The following NIBAN1 variants were observed in gnomAD, a reference collection of about 807,000 sequenced individuals.
NIBAN1 encodes niban apoptosis regulator 1, also known as protein Niban 1.
A neutral mutation model predicts 75.1 loss-of-function variants in NIBAN1; 81 were observed. That is an observed-to-expected ratio of 1.08 (90% CI 0.90 to 1.30). The LOEUF is 1.30. Ranked by LOEUF, NIBAN1 falls within the 50% of genes most tolerant of loss-of-function variation. NIBAN1 has a pLI of 0.00. For missense variants in NIBAN1, 1,133 were observed against 1,128.1 expected (o/e 1.00, Z -0.06); for synonymous variants, 436 against 424.8 (o/e 1.03, Z -0.32).
intron 6 of NIBAN1, among the ~76,000 whole-genome samples, chr1:184,827,803 C>T (rs1013325405): frequency 3.3e-5 from 5 of 151,818 alleles, no homozygotes; most frequent in African/African-American, 4.8e-5. Flanking sequence ...AAGCAGGCCC[C>T]GCAGTCTCAC....
chr1:184,904,333 T>C (rs976987549), intron 1 of NIBAN1, among the ~76,000 whole-genome samples: 1 of 152,118 alleles, frequency 6.6e-6, no homozygotes, highest in Non-Finnish European at 1.5e-5. Flanking sequence ...CACCCTAAAT[T>C]TTTTTTCTTT....
chr1:184,947,208 G>A (rs1658249587), intron 1 of NIBAN1, among the ~76,000 whole-genome samples: 2 of 152,190 alleles, frequency 1.3e-5, no homozygotes, highest in Admixed American at 6.5e-5. Flanking sequence ...CTTTAAGAAG[G>A]TTAAGTAGAC....
Position 184,808,111 on chromosome 1 carries a change from T to A in NIBAN1, c.1298A>T (p.Asp433Val). The stretch of plus-strand genomic sequence containing the variant: ...GTTCTGTGTCCTCTGAACCACCAGA[T>A]CAATGTGGGGGAATCTGAAGCGGCT... ...LKSRFRFPHIDLVVQRTQNYM... is the reference protein window; with the variant it reads ...LKSRFRFPHIVLVVQRTQNYM... Residue 433 changes from aspartate to valine, a missense_variant, in exon 10 of 14, where the codon GAT (aspartate) becomes GTT (valine). Coordinates refer to ENST00000367511, the MANE Select transcript of NIBAN1 (RefSeq NM_052966.4). 6.2e-7 allele frequency: 1 copy of A among 1,613,914 alleles called. No individual in the cohort carries two copies. The highest frequency in any genetic ancestry group is 8.5e-7 in the Non-Finnish European group (1 of 1,179,944).
chr1:184,922,986 T>G (rs1657599294), intron 1 of NIBAN1, among the ~76,000 whole-genome samples: 1 of 152,248 alleles, frequency 6.6e-6, no homozygotes, highest in Admixed American at 6.5e-5. Flanking sequence ...ATGGATAGTT[T>G]GCAAATATTT....
At chr1:184,835,744 C>T (rs571485677) in intron 5 of NIBAN1, among the ~76,000 whole-genome samples, 11 of 152,206 alleles carry the variant, frequency 7.2e-5, no homozygotes, top group Non-Finnish European at 1.2e-4. Flanking sequence ...AGATTTGGGG[C>T]TGAGACAATG....
chr1:184,897,073 T>G (rs532432939), intron 2 of NIBAN1, among the ~76,000 whole-genome samples: 1 of 152,324 alleles, frequency 6.6e-6, no homozygotes, highest in South Asian at 2.1e-4. Context: ...TCTAATTTTG[T>G]GTAAGATGAC....
chr1:184,874,788 A>G (rs1159552945), intron 5 of NIBAN1, among the ~76,000 whole-genome samples: 11 of 152,164 alleles, frequency 7.2e-5, no homozygotes, highest in African/African-American at 2.7e-4. Flanking sequence ...ACAGAAAATA[A>G]ATAAATAAAT....
chr1:184,929,867 T>C (rs1657777466), intron 1 of NIBAN1, among the ~76,000 whole-genome samples: 1 of 152,280 alleles, frequency 6.6e-6, no homozygotes, highest in South Asian at 2.1e-4. Context: ...TTGTGCTTGA[T>C]GCTGTAAACA....
chr1:184,972,873 T>C (rs1466665766), intron 1 of NIBAN1, among the ~76,000 whole-genome samples: 1 of 152,244 alleles, frequency 6.6e-6, no homozygotes, highest in African/African-American at 2.4e-5. Context: ...TTAGTGTACT[T>C]GGCCATGCGT....
chr1:184,899,726 C>T (rs1232481156), intron 1 of NIBAN1, among the ~76,000 whole-genome samples: 2 of 151,936 alleles, frequency 1.3e-5, no homozygotes, highest in Admixed American at 1.3e-4. Context: ...TCTTTATTCT[C>T]CTCGACCTCC....
intron 13 of NIBAN1, 50 bp from the exon 14 acceptor site, chr1:184,796,147 C>T (rs369465695): frequency 5.9e-5 from 88 of 1,483,030 alleles, no homozygotes; most frequent in Non-Finnish European, 7.6e-5. Context: ...TATTGAGAAG[C>T]CAAAGTCCCC....
intron 5 of NIBAN1, among the ~76,000 whole-genome samples, chr1:184,840,645 G>A (rs747265788): frequency 4.6e-5 from 7 of 151,266 alleles, no homozygotes; most frequent in African/African-American, 1.2e-4. Flanking sequence ...TGTCAACAGC[G>A]AAAAGGAAGT....
chr1:184,922,688 C>T (rs1212374341), intron 1 of NIBAN1, among the ~76,000 whole-genome samples: 1 of 152,194 alleles, frequency 6.6e-6, no homozygotes, highest in South Asian at 2.1e-4. Context: ...CTTACTGCAA[C>T]CTCTGCCTCC....
At chr1:184,897,792 CT>C (rs1248535987) in intron 2 of NIBAN1, among the ~76,000 whole-genome samples, 1 of 152,194 alleles carries the variant, frequency 6.6e-6, no homozygotes, top group East Asian at 1.9e-4. Context: ...ACTGATTTCT[CT>C]CTTCTTCTAT....
intron 5 of NIBAN1, among the ~76,000 whole-genome samples, chr1:184,844,185 C>T (rs1655372432): frequency 6.6e-6 from 1 of 152,196 alleles, no homozygotes; most frequent in Non-Finnish European, 1.5e-5. Context: ...CTATGGATTA[C>T]CTGCATCTTG....
intron 1 of NIBAN1, among the ~76,000 whole-genome samples, chr1:184,967,905 T>C (rs866947246): frequency 1.4e-5 from 1 of 70,234 alleles, no homozygotes; most frequent in African/African-American, 4.6e-5. Context: ...GGTTGACTCT[T>C]AGAAATCACA....
intron 12 of NIBAN1, among the ~76,000 whole-genome samples, 167 bp downstream of exon 12, chr1:184,803,418 T>C (rs1391311156): frequency 1.3e-5 from 2 of 152,246 alleles, no homozygotes; most frequent in African/African-American, 4.8e-5. Flanking sequence ...GCAACAGAAA[T>C]AGTGCAGTCC....
chr1:184,942,165 C>T (rs991867436), intron 1 of NIBAN1, among the ~76,000 whole-genome samples: 1 of 152,192 alleles, frequency 6.6e-6, no homozygotes, highest in Non-Finnish European at 1.5e-5. Context: ...AATAATTTCT[C>T]AGGGAGCTGA....
At chr1:184,864,103 A>G (rs1355081451) in intron 5 of NIBAN1, among the ~76,000 whole-genome samples, 1 of 152,170 alleles carries the variant, frequency 6.6e-6, no homozygotes, top group Non-Finnish European at 1.5e-5. Flanking sequence ...TGAGCTTTGG[A>G]GTTAAACATT....
Sources: allele counts gnomAD v4.1 joint callset (sites outside exome capture counted in the v4.1 genomes callset), GRCh38; gene constraint gnomAD v4.1.1; transcripts MANE v1.5; gene names NCBI Gene and HGNC (gene_info 2026-07-23, HGNC 2026-07-21).